Variants in ABCG1 observed in about 807,000 individuals in gnomAD.
The protein encoded by ABCG1 is ATP binding cassette subfamily G member 1, also known as ATP-binding cassette sub-family G member 1.
Under a neutral mutation model 69.2 loss-of-function variants are expected in ABCG1, and 29 were observed. That is an observed-to-expected ratio of 0.42 (90% CI 0.31 to 0.57). The LOEUF (loss-of-function observed/expected upper bound fraction) is 0.57. ABCG1 is among the 20% of genes least tolerant of loss of function. ABCG1 has a pLI of 0.15. For synonymous variants in ABCG1, 370 were observed against 374.8 expected (o/e 0.99, Z 0.15); for missense variants, 718 against 898.1 (o/e 0.80, Z 2.56).
At chr21:42,202,156 C>T (rs1366905839) in intron 2 of ABCG1, among the ~76,000 whole-genome samples, 6 of 152,154 alleles carry the variant, frequency 3.9e-5, no homozygotes, top group Admixed American at 3.9e-4. Context: ...GGTTTTGTTC[C>T]GGTTGGTCTG....
chr21:42,225,534 G>A (rs2067801298), intron 1 of ABCG1, 137 bp from the exon 2 acceptor site: 2 of 1,097,492 alleles, frequency 1.8e-6, no homozygotes, highest in Non-Finnish European at 1.3e-6. Context: ...ATTTCTCCTG[G>A]GGCCAAAGGT....
At chr21:42,251,930 G>A (rs193072889) in intron 2 of ABCG1, among the ~76,000 whole-genome samples, 5 of 152,352 alleles carry the variant, frequency 3.3e-5, no homozygotes, top group African/African-American at 7.2e-5. Context: ...CATCATCTCC[G>A]TGTCCGTCGA....
intron 2 of ABCG1, chr21:42,256,429 G>A (rs761509615): frequency 1.4e-5 from 21 of 1,549,202 alleles, no homozygotes; most frequent in Non-Finnish European, 1.6e-5. Flanking sequence ...ACACCTTCCT[G>A]TCAGAGTATC....
intron 2 of ABCG1, among the ~76,000 whole-genome samples, chr21:42,251,200 G>A (rs954032206): frequency 2.0e-5 from 3 of 152,166 alleles, no homozygotes; most frequent in African/African-American, 7.2e-5. Context: ...GTAAAATGAT[G>A]AGTCTGCAAA....
chr21:42,254,094 A>T (rs2123659709), intron 2 of ABCG1, among the ~76,000 whole-genome samples: 1 of 152,242 alleles, frequency 6.6e-6, no homozygotes, highest in Admixed American at 6.5e-5. Flanking sequence ...CAGTGGAGGG[A>T]TGGAGAAATG....
intron 2 of ABCG1, chr21:42,259,329 G>A (rs546905482): frequency 2.6e-6 from 4 of 1,549,238 alleles, no homozygotes; most frequent in South Asian, 2.4e-5. Flanking sequence ...AGCCGTGCAT[G>A]TACAGGTGGC....
At position 42,230,879 on chromosome 21, in the gene ABCG1, C is replaced by T. The variant is rs574059400; in HGVS notation, c.286+4965C>T. 6.6e-5 allele frequency among the ~76,000 whole-genome samples: 10 copies of T among 152,298 alleles called. No individual in the cohort carries two copies. The South Asian group carries it at 1.7e-3, about 25-fold the overall frequency. ...AAACCTGTGACATGAGGCTCAGAGA[C>T]GTGACCAAGGTCATAGGAGTGGGGA... On this transcript the variant is annotated intron_variant, in intron 2 of 14. Coordinates refer to ENST00000398449, the MANE Select transcript of ABCG1 (RefSeq NM_016818.3).
chr21:42,282,564 C>T (rs1244193705), intron 6 of ABCG1, 145 bp downstream of exon 6: 1 of 957,460 alleles, frequency 1.0e-6, no homozygotes, highest in African/African-American at 1.7e-5. Flanking sequence ...CCATCTGGGA[C>T]CACTGGGCAG....
Position 42,284,596 on chromosome 21 carries a change from G to A in ABCG1, c.771G>A (p.Ser257=), listed in dbSNP as rs150720995. Residue 257 remains serine (S), a synonymous_variant, in exon 7 of 15, where the codon TCG becomes TCA. Transcript: ENST00000398449. ...LDSASCFQVV[S]LMKGLAQGGR... Reference sequence around the variant, plus strand: ...GCGCCTCCTGCTTCCAGGTGGTCTCGCTGATGAAAGGGCTCGCTCAAGGGG... The same window carrying A: ...GCGCCTCCTGCTTCCAGGTGGTCTCACTGATGAAAGGGCTCGCTCAAGGGG... 111 of 1,613,816 alleles carry A rather than the reference G, an allele frequency of 6.9e-5. No homozygotes were observed. In the Middle Eastern group the frequency reaches 4.8e-3, roughly 70 times the overall value.
Position 42,291,554 on chromosome 21 carries a change from C to G in ABCG1, c.1551C>G (p.Ser517=). 6.2e-7 allele frequency: 1 copy of G among 1,613,594 alleles called. No individual in the cohort carries two copies. The highest frequency in any genetic ancestry group is 1.1e-5 in the South Asian group (1 of 91,080). Residue 517 remains serine (S), a synonymous_variant, in exon 13 of 15, where the codon TCC becomes TCG. Coordinates refer to ENST00000398449, the MANE Select transcript of ABCG1 (RefSeq NM_016818.3). The surrounding 1 kb of genome is among the most constrained non-coding windows in gnomAD (Gnocchi z 6.4). ...SIVYWMTSQP[S]DAVRFVLFAA... is the part of the protein sequence containing the mutation. ...TGTACTGGATGACGTCGCAGCCGTC[C>G]GACGCCGTGCGCTTTGTGCTGTTTG...
At chr21:42,229,264 T>G (rs555487601) in intron 2 of ABCG1, among the ~76,000 whole-genome samples, 3 of 152,370 alleles carry the variant, frequency 2.0e-5, no homozygotes, top group Admixed American at 2.0e-4. Flanking sequence ...CTCTGACTGC[T>G]CTCAGTATAT....
At position 42,288,126 on chromosome 21, in the gene ABCG1, T is replaced by C; in HGVS notation, c.1123-85T>C. The C allele has an allele frequency of 1.2e-6, 2 of 1,608,816 alleles. No individual in the cohort carries two copies. The highest frequency in any genetic ancestry group is 3.3e-5 in the Admixed American group (2 of 60,012). On this transcript the variant is annotated intron_variant, in intron 9 of 14. Transcript: ENST00000398449. The surrounding 1 kb of genome is among the most constrained non-coding windows in gnomAD (Gnocchi z 4.8). ...GGAGGCTGCACGTGGCACCGTGCAC[T>C]GCTGCATGAGAGCTCTTTCCGAGCA...
chr21:42,280,701 A>G (rs2068792786), intron 5 of ABCG1, among the ~76,000 whole-genome samples: 1 of 152,210 alleles, frequency 6.6e-6, no homozygotes, highest in South Asian at 2.1e-4. Context: ...CTCCGCTTCC[A>G]GCATCCCCTC....
upstream of ABCG1, among the ~76,000 whole-genome samples, chr21:42,214,855 A>G (rs1363149506): frequency 6.6e-6 from 1 of 152,238 alleles, no homozygotes; most frequent in Non-Finnish European, 1.5e-5. Context: ...ATAAGCTGTC[A>G]TACTTCATAT....
intron 2 of ABCG1, among the ~76,000 whole-genome samples, chr21:42,241,414 G>C (rs965285722): frequency 6.6e-6 from 1 of 152,040 alleles, no homozygotes; most frequent in African/African-American, 2.4e-5. Context: ...AGACTAGCCT[G>C]GCCAACATGG....
intron 2 of ABCG1, among the ~76,000 whole-genome samples, chr21:42,251,783 G>A (rs2068225665): frequency 1.3e-5 from 2 of 152,232 alleles, no homozygotes; most frequent in African/African-American, 2.4e-5. Flanking sequence ...TCCCACTGGA[G>A]CCCCTACTCT....
intron 14 of ABCG1, 61 bp downstream of exon 14, chr21:42,294,721 C>A: frequency 6.7e-7 from 1 of 1,486,918 alleles, no homozygotes; most frequent in African/African-American, 1.4e-5. Flanking sequence ...GAACCGTCTC[C>A]AACAGCGTGA....
intron 2 of ABCG1, among the ~76,000 whole-genome samples, chr21:42,268,362 G>GGGGTGTGTGTGTGT (rs375702317): frequency 6.8e-6 from 1 of 147,604 alleles, no homozygotes; most frequent in African/African-American, 2.5e-5. Flanking sequence ...TAGAGGTAGG[G>GGGGTGTGTGTGTGT]GTGTGTGTGT....
At chr21:42,266,378 G>T (rs2068505670) in intron 2 of ABCG1, among the ~76,000 whole-genome samples, 1 of 152,124 alleles carries the variant, frequency 6.6e-6, no homozygotes, top group Non-Finnish European at 1.5e-5. Context: ...GTCTGATTAG[G>T]AGGGTTTGGG....
Sources: gnomAD v4.1 joint callset for allele counts (sites outside exome capture counted in the v4.1 genomes callset) on GRCh38, gnomAD v4.1.1 for gene constraint, Gnocchi (gnomAD v3.1) non-coding constraint, MANE v1.5 for transcripts, NCBI Gene and HGNC (gene_info 2026-07-23, HGNC 2026-07-21) for gene names.